The following LRCH3 variants were observed in gnomAD, a reference collection of about 807,000 sequenced individuals.
The protein encoded by LRCH3 is DISP complex protein LRCH3.
In LRCH3, 68 loss-of-function variants were observed where a neutral mutation model predicts 104.5. The observed-to-expected ratio is 0.65, with a 90% confidence interval of 0.54 to 0.80. The LOEUF (loss-of-function observed/expected upper bound fraction) is 0.80. Among genes scored for constraint, LRCH3 ranks in the 30% least tolerant of loss-of-function variants. The probability of loss-of-function intolerance (pLI) is 0.00; values close to 1 mark genes in which losing one functional copy is unlikely to be tolerated. For missense variants in LRCH3, 951 were observed against 953.9 expected, an observed-to-expected ratio of 1.00 and a Z score of 0.04; for synonymous variants, 344 against 361.3, an observed-to-expected ratio of 0.95 and a Z score of 0.54.
At position 197,883,325 on chromosome 3, in the gene LRCH3, C is replaced by T. The variant is rs1713948676; in HGVS notation, c.2209-216C>T. On this transcript the variant is annotated intron_variant, in intron 20 of 20. Transcript: ENST00000425562. This position sits in a 1 kb window ranked among gnomAD's most constrained non-coding sequence, Gnocchi z 4.2. Reference sequence around the variant, plus strand: ...TCAATTTTCCAATTTTGAAAATGATCTGTATGTACTTTTAGTTGTATTAAT... The same window carrying T: ...TCAATTTTCCAATTTTGAAAATGATTTGTATGTACTTTTAGTTGTATTAAT... 7.5e-7 allele frequency: 1 copy of T among 1,330,040 alleles called. No individual in the cohort carries two copies. The highest frequency in any genetic ancestry group is 1.5e-5 in the African/African-American group (1 of 67,074). 82.4% of individuals were successfully genotyped at this position (1,330,040 alleles called of 1,614,324 possible).
intron 14 of LRCH3, among the ~76,000 whole-genome samples, chr3:197,855,698 G>A (rs925636092): frequency 1.4e-4 from 22 of 152,336 alleles, no homozygotes; most frequent in African/African-American, 5.3e-4. Flanking sequence ...CAACAAAACA[G>A]TGGAATTTAG....
chr3:197,876,682 G>C (rs1712925588), intron 20 of LRCH3, among the ~76,000 whole-genome samples: 1 of 152,150 alleles, frequency 6.6e-6, no homozygotes, highest in African/African-American at 2.4e-5. Context: ...CCTGCAAGGA[G>C]GAAAACATGA....
At chr3:197,859,145 G>T in intron 15 of LRCH3, 1 of 474,232 alleles carries the variant, frequency 2.1e-6, no homozygotes, top group Admixed American at 3.7e-5. Flanking sequence ...GTGTCATTCT[G>T]ATTTTTTTAT....
chr3:197,872,139 T>C (rs2109529815), intron 19 of LRCH3, among the ~76,000 whole-genome samples: 1 of 152,194 alleles, frequency 6.6e-6, no homozygotes, highest in Non-Finnish European at 1.5e-5. Context: ...AGACGATTGC[T>C]TGAGCCCAGG....
chr3:197,840,796 T>C (rs1737696958), intron 10 of LRCH3, among the ~76,000 whole-genome samples: 1 of 152,246 alleles, frequency 6.6e-6, no homozygotes, highest in African/African-American at 2.4e-5. Context: ...TTTGATATGC[T>C]TTGAAATTTA....
chr3:197,867,982 C>T (rs531086715), intron 17 of LRCH3, among the ~76,000 whole-genome samples: 207 of 152,192 alleles, frequency 1.4e-3, no homozygotes, highest in African/African-American at 4.5e-3. Flanking sequence ...CAAGATTGCG[C>T]GATTGCACTC....
At position 197,807,383 on chromosome 3, in the gene LRCH3, AT is replaced by A. The variant is rs1211179207; in HGVS notation, c.263-7518del. On this transcript the variant is annotated intron_variant, in intron 1 of 20. Transcript: ENST00000425562. ...AGGCGCCCGCCACCACGCCCAGCTC[AT>A]TTTTTTGTATTTCTTTTTAGTAGAG... 4.0e-5 allele frequency among the ~76,000 whole-genome samples: 6 copies of A among 151,566 alleles called. No individual in the cohort carries two copies. In the East Asian group the frequency reaches 1.2e-3, roughly 30 times the overall value.
intron 1 of LRCH3, among the ~76,000 whole-genome samples, chr3:197,813,480 A>G (rs1580604425): frequency 1.4e-5 from 2 of 139,516 alleles, no homozygotes; most frequent in African/African-American, 5.3e-5. Flanking sequence ...ACCATAGGTA[A>G]TGTTCCGTTC....
chr3:197,863,883 A>G (rs1439001394), intron 15 of LRCH3, among the ~76,000 whole-genome samples: 1 of 152,256 alleles, frequency 6.6e-6, no homozygotes, highest in African/African-American at 2.4e-5. Flanking sequence ...ACTATTATGG[A>G]GAAATACTAT....
At position 197,871,621 on chromosome 3, in the gene LRCH3, CAT is replaced by C. The variant is rs370855472; in HGVS notation, c.2130+160_2130+161del. 4.1e-4 allele frequency: 363 copies of C among 894,276 alleles called. No homozygotes were observed. The African/African-American group carries it at 5.1e-3, about 13-fold the overall frequency. The allele number at this position is 894,276 out of a possible 1,614,324, so 55.4% of individuals were successfully genotyped here. ...TCACTTCTACTCGAGAAGAAATAGA[CAT>C]GTATACAGCTACTTACAGCAGTGCG... On this transcript the variant is annotated intron_variant, in intron 19 of 20. Transcript: ENST00000425562.
chr3:197,812,351 T>C (rs1339864014), intron 1 of LRCH3, among the ~76,000 whole-genome samples: 1 of 152,134 alleles, frequency 6.6e-6, no homozygotes, highest in African/African-American at 2.4e-5. Context: ...TTTTTGAATG[T>C]AGAATAATAT....
chr3:197,871,208 T>C (rs1712144191), intron 18 of LRCH3, 117 bp from the exon 19 acceptor site: 7 of 800,666 alleles, frequency 8.7e-6, no homozygotes, highest in Middle Eastern at 3.0e-4. Context: ...AAAATGGATA[T>C]TGTGGTACTT....
At chr3:197,861,507 G>GTGAC (rs1159228953) in intron 15 of LRCH3, among the ~76,000 whole-genome samples, 1 of 152,144 alleles carries the variant, frequency 6.6e-6, no homozygotes, top group African/African-American at 2.4e-5. Context: ...TTGTTCTACA[G>GTGAC]TGACTGTCAT....
chr3:197,820,209 A>T, intron 3 of LRCH3, 116 bp from the exon 4 acceptor site: 1 of 705,864 alleles, frequency 1.4e-6, no homozygotes, highest in Non-Finnish European at 2.5e-6. Context: ...CCATTGAATT[A>T]AGCTATTAAG....
chr3:197,828,439 G>A (rs1038380538), intron 5 of LRCH3, among the ~76,000 whole-genome samples: 8 of 151,910 alleles, frequency 5.3e-5, no homozygotes, highest in Admixed American at 2.0e-4. Context: ...TCCGCCTCCC[G>A]GGTTCACACT....
chr3:197,843,462 C>T (rs1452405655), intron 10 of LRCH3, among the ~76,000 whole-genome samples: 2 of 152,102 alleles, frequency 1.3e-5, no homozygotes, highest in Non-Finnish European at 2.9e-5. Flanking sequence ...GCAGGTGGAT[C>T]CCCTAAGGTC....
rs371803335 is a variant in LRCH3 at position 197,870,274 on chromosome 3, G to A, written c.1988G>A (p.Arg663His). The change falls in exon 18 of 21, where the codon CGT (arginine) becomes CAT (histidine). Residue 663 changes from arginine to histidine, a missense_variant. Arg to His is a conservative substitution (Grantham distance 29). Coordinates refer to ENST00000425562, the MANE Select transcript of LRCH3 (RefSeq NM_001365715.1). ...GAGCTGGAATTAATAGACCAACTGCGTAAAGTATGTACATTACCTTTGATT... is the reference window on the plus strand; with the variant it reads ...GAGCTGGAATTAATAGACCAACTGCATAAAGTATGTACATTACCTTTGATT... ...EEELELIDQLRKHIEYRLKVS... is the reference protein window; with the variant it reads ...EEELELIDQLHKHIEYRLKVS... 1.0e-4 allele frequency: 169 copies of A among 1,611,928 alleles called. 1 individual carries two copies. Among genetic ancestry groups the A allele is most frequent in the Non-Finnish European group, 1.3e-4 (153 of 1,178,340 alleles).
chr3:197,874,842 C>T (rs567479428), intron 19 of LRCH3, among the ~76,000 whole-genome samples: 2 of 152,304 alleles, frequency 1.3e-5, no homozygotes, highest in South Asian at 4.1e-4. Flanking sequence ...TCAAGTTTCA[C>T]TGGAACCCAG....
rs889085817 is a variant in LRCH3 at position 197,883,912 on chromosome 3, G to A, written c.*246G>A. The A allele has an allele frequency of 1.3e-5, 5 of 396,374 alleles. No homozygotes were observed. The highest frequency in any genetic ancestry group is 2.2e-5 in the Non-Finnish European group (5 of 225,958). The allele number at this position is 396,374 out of a possible 1,614,324, so 24.6% of individuals were successfully genotyped here. A position where few individuals can be genotyped will look rare whatever the true frequency, so the allele number is the denominator to read the frequency against. On this transcript the variant is annotated 3_prime_UTR_variant, in exon 21 of 21. Coordinates refer to ENST00000425562, the MANE Select transcript of LRCH3 (RefSeq NM_001365715.1). The surrounding 1 kb of genome is among the most constrained non-coding windows in gnomAD (Gnocchi z 4.2). The stretch of plus-strand genomic sequence containing the variant: ...TGAAACTTCTCTTACTGAAAACCCA[G>A]CACCTAACTTGGCTGTGTTTTCCTG...
Sources: allele counts gnomAD v4.1 joint callset (sites outside exome capture counted in the v4.1 genomes callset), GRCh38; gene constraint gnomAD v4.1.1; non-coding constraint Gnocchi (gnomAD v3.1); transcripts MANE v1.5; gene names NCBI Gene and HGNC (gene_info 2026-07-23, HGNC 2026-07-21).